The following FAT2 variants were observed in gnomAD, a reference collection of about 807,000 sequenced individuals.
FAT2 encodes protocadherin Fat 2.
Under a neutral mutation model 295.3 loss-of-function variants are expected in FAT2, and 150 were observed. The observed-to-expected ratio is 0.51, with a 90% CI of 0.44 to 0.58. The LOEUF is 0.58. Ranked by LOEUF, FAT2 falls within the 20% of genes least tolerant of loss-of-function variation. The probability of loss-of-function intolerance (pLI) is 0.00; values close to 1 mark genes in which losing one functional copy is unlikely to be tolerated. For synonymous variants in FAT2, 2,026 were observed against 2,150.3 expected, an observed-to-expected ratio of 0.94 and a Z score of 1.60; for missense variants, 4,868 against 5,442.7, an observed-to-expected ratio of 0.89 and a Z score of 3.32.
chr5:151,518,301 A>G (rs1291572891), intron 19 of FAT2, among the ~76,000 whole-genome samples: 3 of 151,470 alleles, frequency 2.0e-5, no homozygotes, highest in African/African-American at 7.3e-5. Flanking sequence ...GTGAACCATG[A>G]TCTTGCCACT....
rs1391196166 is a variant in FAT2, at chr5:151,591,292, C to T, written c.-148G>A. Among the ~76,000 whole-genome samples the T allele has an allele frequency of 6.6e-6, 1 of 152,208 alleles. No individual in the cohort carries two copies. The highest frequency in any genetic ancestry group is 2.4e-5 in the African/African-American group (1 of 41,446). On this transcript the variant is annotated 5_prime_UTR_variant, in exon 1 of 24. Coordinates refer to ENST00000261800, the MANE Select transcript of FAT2 (RefSeq NM_001447.3). ...TCGGAGCAGGAAGGCGCGCAGCCCG[C>T]AGCCGGAGAGGCTGCTGAGAAAGTT...
rs752463422 is a variant in FAT2 at position 151,551,566 on chromosome 5, T to C, written c.4197A>G (p.Thr1399=). 3.1e-6 allele frequency: 5 copies of C among 1,614,224 alleles called. No homozygotes were observed. Among genetic ancestry groups the C allele is most frequent in the Non-Finnish European group, 3.4e-6 (4 of 1,180,018 alleles). ...GAGGCCTGGCAATGACGATGCTGCC[T>C]GTGGTCTTCTCAATGTCAAAGTCCA... ...KDMDFDIEKT[T]GSIVIARPLD... The change falls in exon 7 of 24, where the codon ACA becomes ACG. Residue 1399 remains threonine, a synonymous_variant. Coordinates refer to ENST00000261800, the MANE Select transcript of FAT2 (RefSeq NM_001447.3).
In FAT2 at chr5:151,534,542, G is replaced by A. The variant is rs115983134; in HGVS notation, c.9294C>T (p.Asp3098=). The part of the protein sequence containing the change: ...TDGGGRSCQA[D]ITLHVEDVND... ...TCACATCCTCCACATGGAGGGTGAT[G>A]TCTGCCTGGCACGATCGGCCACCTC... Residue 3098 remains aspartate, a synonymous_variant, in exon 13 of 24, where the codon GAC becomes GAT. Transcript: ENST00000261800. 8.4e-4 allele frequency: 1,357 copies of A among 1,614,106 alleles called. 7 individuals carry two copies. The African/African-American group carries it at 0.011, about 14-fold the overall frequency.
chr5:151,530,609 C>A (rs1478030237), intron 14 of FAT2, among the ~76,000 whole-genome samples: 1 of 152,200 alleles, frequency 6.6e-6, no homozygotes, highest in East Asian at 1.9e-4. Flanking sequence ...TACTAACAAA[C>A]CAGTTTCGAA....
At chr5:151,563,045 T>A (rs753846119) in intron 3 of FAT2, among the ~76,000 whole-genome samples, 1 of 152,160 alleles carries the variant, frequency 6.6e-6, no homozygotes, top group Non-Finnish European at 1.5e-5. Context: ...GAAAGAAACA[T>A]GAAGACAGAT....
rs2127630511 is a variant in FAT2 at position 151,554,435 on chromosome 5, A to G, written c.3872T>C (p.Phe1291Ser). The G allele has an allele frequency of 6.2e-7, 1 of 1,614,186 alleles. No homozygotes were observed. Among genetic ancestry groups the G allele is most frequent in the Non-Finnish European group, 8.5e-7 (1 of 1,180,024 alleles). The change falls in exon 5 of 24, where the codon TTC becomes TCC. Residue 1291 changes from phenylalanine to serine, a missense_variant. Phe to Ser is a radical substitution (Grantham distance 155). Transcript: ENST00000261800. ...CACACCTGTGACCAGGTCGATACTG[A>G]AGGCCTCCTCATCGCTGTCCTCGAT... is the stretch of plus-strand genomic sequence containing the variant. Reference protein sequence around the residue: ...YSIEDSDEEAFSIDLVTGVVS... With the variant: ...YSIEDSDEEASSIDLVTGVVS...
intron 9 of FAT2, among the ~76,000 whole-genome samples, chr5:151,548,170 C>T (rs1295304001): frequency 6.6e-6 from 1 of 152,130 alleles, no homozygotes; most frequent in Non-Finnish European, 1.5e-5. Flanking sequence ...TGGCTTTATA[C>T]AGTACCAGTA....
At chr5:151,511,308 CATGTT>C (rs1487071046) in intron 21 of FAT2, 2 of 152,166 alleles carry the variant, frequency 1.3e-5, no homozygotes, top group African/African-American at 4.8e-5. Flanking sequence ...AGGAACCTCT[CATGTT>C]GTGTGTGATG....
At chr5:151,593,929 G>A (rs760111371), upstream of FAT2, among the ~76,000 whole-genome samples, 2 of 152,060 alleles carry the variant, frequency 1.3e-5, no homozygotes, top group Admixed American at 6.6e-5. Flanking sequence ...CTTGAACCCG[G>A]GAGGTGGAGG....
In FAT2 at chr5:151,553,371, C is replaced by CT; in HGVS notation, c.3961dup (p.Ser1321LysfsTer15). 1 of 1,614,206 alleles carries CT rather than the reference C, an allele frequency of 6.2e-7. No individual in the cohort carries two copies. Among genetic ancestry groups the CT allele is most frequent in the Non-Finnish European group, 8.5e-7 (1 of 1,180,034 alleles). On this transcript the variant is annotated frameshift_variant, in exon 6 of 24. Coordinates refer to ENST00000261800, the MANE Select transcript of FAT2 (RefSeq NM_001447.3). LOFTEE classifies it high-confidence loss of function. ...ACTGGCTGAGAGTGGTGGCTGCCCA[C>CT]TGTCTGTTGCCTTGATCTGAAAGGA...
intron 19 of FAT2, among the ~76,000 whole-genome samples, 170 bp downstream of exon 19, chr5:151,521,106 A>G (rs961947989): frequency 1.3e-5 from 2 of 152,226 alleles, no homozygotes; most frequent in East Asian, 1.9e-4. Flanking sequence ...GTATTATTCC[A>G]TAACTAGATT....
In FAT2 at chr5:151,545,168, G is replaced by A; in HGVS notation, c.5959C>T (p.Leu1987=). 6.2e-7 allele frequency: 1 copy of A among 1,614,190 alleles called. No homozygotes were observed. The highest frequency in any genetic ancestry group is 1.3e-5 in the African/African-American group (1 of 75,056). Residue 1987 remains leucine (L), a synonymous_variant, in exon 10 of 24, where the codon CTG becomes TTG. Coordinates refer to ENST00000261800, the MANE Select transcript of FAT2 (RefSeq NM_001447.3). ...VKENLQDRKA[L]VILGAQGNHL... ...TTGCCCTGGGCACCAAGAATCACCAGTGCCTTTCTGTCCTGCAAGTTCTCC... is the reference window on the plus strand; with the variant it reads ...TTGCCCTGGGCACCAAGAATCACCAATGCCTTTCTGTCCTGCAAGTTCTCC...
chr5:151,538,653 C>A (rs901548700), intron 11 of FAT2, among the ~76,000 whole-genome samples: 2 of 152,128 alleles, frequency 1.3e-5, no homozygotes, highest in African/African-American at 4.8e-5. Context: ...CCCCTACATG[C>A]CCTGGATGGA....
At chr5:151,583,491 G>A (rs1277191624) in intron 1 of FAT2, among the ~76,000 whole-genome samples, 2 of 152,086 alleles carry the variant, frequency 1.3e-5, no homozygotes, top group Non-Finnish European at 2.9e-5. Flanking sequence ...TTAAAAACAG[G>A]CAAAACAAAT....
intron 1 of FAT2, among the ~76,000 whole-genome samples, chr5:151,574,072 C>G (rs750755569): frequency 2.0e-5 from 3 of 152,112 alleles, no homozygotes; most frequent in Admixed American, 2.0e-4. Flanking sequence ...AGACCCTAAA[C>G]GAGCCCCCCA....
In FAT2 at chr5:151,545,158, A is replaced by G. The variant is rs1417632789; in HGVS notation, c.5969T>C (p.Leu1990Pro). The G allele has an allele frequency of 3.1e-6, 5 of 1,614,236 alleles. No individual in the cohort carries two copies. Among genetic ancestry groups the G allele is most frequent in the Non-Finnish European group, 4.2e-6 (5 of 1,180,038 alleles). Residue 1990 changes from leucine (L) to proline (P), a missense_variant, in exon 10 of 24, where the codon CTT (leucine) becomes CCT (proline). Coordinates refer to ENST00000261800, the MANE Select transcript of FAT2 (RefSeq NM_001447.3). ...NLQDRKALVI[L>P]GAQGNHLNDT... ...ATTCAAATGATTGCCCTGGGCACCA[A>G]GAATCACCAGTGCCTTTCTGTCCTG... is the stretch of plus-strand genomic sequence containing the variant.
At chr5:151,513,757 G>GA (rs1019808182) in intron 20 of FAT2, among the ~76,000 whole-genome samples, 2 of 151,850 alleles carry the variant, frequency 1.3e-5, no homozygotes, top group Admixed American at 6.6e-5. Flanking sequence ...AAAATTGGAA[G>GA]AAAAAAATTA....
At chr5:151,584,914 A>C (rs917217855) in intron 1 of FAT2, among the ~76,000 whole-genome samples, 1 of 152,086 alleles carries the variant, frequency 6.6e-6, no homozygotes, top group Non-Finnish European at 1.5e-5. Context: ...CCTGTCCTTC[A>C]CCCTCACACT....
At chr5:151,593,464 T>G (rs986706685), upstream of FAT2, among the ~76,000 whole-genome samples, 1 of 152,120 alleles carries the variant, frequency 6.6e-6, no homozygotes, top group Non-Finnish European at 1.5e-5. Flanking sequence ...CCTGACCCAC[T>G]CCTGGTCCTT....
Sources: gnomAD v4.1 joint callset for allele counts (sites outside exome capture counted in the v4.1 genomes callset) on GRCh38, gnomAD v4.1.1 for gene constraint, MANE v1.5 for transcripts, NCBI Gene and HGNC (gene_info 2026-07-23, HGNC 2026-07-21) for gene names.